CGREF1: variants seen among roughly 807,000 people sequenced by gnomAD.
CGREF1 encodes the protein cell growth regulator with EF hand domain protein 1.
Under a neutral mutation model 17.4 loss-of-function variants are expected in CGREF1, and 16 were observed. The observed-to-expected ratio is 0.92, with a 90% CI of 0.62 to 1.40. CGREF1 has a LOEUF of 1.40. CGREF1 is among the 40% of genes most tolerant of loss of function. CGREF1 has a pLI of 0.00. For missense variants in CGREF1, 296 were observed against 376.4 expected, an observed-to-expected ratio of 0.79 and a Z score of 1.77; for synonymous variants, 142 against 154.6, an observed-to-expected ratio of 0.92 and a Z score of 0.61.
At chr2:27,116,460 G>A (rs1671566527) in intron 1 of CGREF1, among the ~76,000 whole-genome samples, 2 of 151,730 alleles carry the variant, frequency 1.3e-5, no homozygotes, top group South Asian at 4.2e-4. Flanking sequence ...CCAGGAGGCA[G>A]AGGTTGCAAT....
downstream of CGREF1, chr2:27,100,029 G>T (rs577021295): frequency 1.5e-6 from 1 of 659,464 alleles, no homozygotes; most frequent in East Asian, 2.7e-5. Flanking sequence ...CTGACTCTTC[G>T]ATCCTCCCTC....
downstream of CGREF1, chr2:27,099,751 G>A (rs1670682585): frequency 6.2e-7 from 1 of 1,613,812 alleles, no homozygotes; most frequent in Non-Finnish European, 8.5e-7. Flanking sequence ...CATCGTGTGA[G>A]AGCAGGTGCC....
At chr2:27,111,877 G>T (rs1466759922) in intron 1 of CGREF1, among the ~76,000 whole-genome samples, 1 of 152,212 alleles carries the variant, frequency 6.6e-6, no homozygotes, top group African/African-American at 2.4e-5. Context: ...AGCTGAAGGA[G>T]CCGGCTCCGG....
chr2:27,102,376 A>AT lies in CGREF1; in HGVS notation c.200dup (p.His67GlnfsTer16). 1 of 1,614,112 alleles carries AT rather than the reference A, an allele frequency of 6.2e-7. No homozygotes were observed. Among genetic ancestry groups the AT allele is most frequent in the Non-Finnish European group, 8.5e-7 (1 of 1,179,998 alleles). Reference sequence around the variant, plus strand: ...GCCCCTCACCCTGCTCCCGGCTCAGATGCTCCAGTTGCACTTCTGTCCTTC... The same window carrying AT: ...GCCCCTCACCCTGCTCCCGGCTCAGATTGCTCCAGTTGCACTTCTGTCCTTC... On this transcript the variant is annotated frameshift_variant, in exon 4 of 6. Coordinates refer to ENST00000402394, the MANE Select transcript of CGREF1 (RefSeq NM_006569.6). LOFTEE classifies it high-confidence loss of function.
At chr2:27,116,538 GAAA>G (rs887159750) in intron 1 of CGREF1, among the ~76,000 whole-genome samples, 1 of 143,510 alleles carries the variant, frequency 7.0e-6, no homozygotes, top group Non-Finnish European at 1.5e-5. Context: ...AAAAGAGAGA[GAAA>G]AAAAAAAGTA....
intron 1 of CGREF1, 116 bp from the exon 2 acceptor site, chr2:27,104,493 G>A: frequency 6.4e-7 from 1 of 1,552,266 alleles, no homozygotes; most frequent in Non-Finnish European, 8.7e-7. Flanking sequence ...CAGCCCCAAA[G>A]ACAGGACTCC....
At chr2:27,118,448 G>GTCCC (rs1310499042) in intron 1 of CGREF1, among the ~76,000 whole-genome samples, 1 of 152,160 alleles carries the variant, frequency 6.6e-6, no homozygotes, top group African/African-American at 2.4e-5. Flanking sequence ...CCGGGAGCTG[G>GTCCC]TCCCTCGGCC....
chr2:27,106,126 A>G (rs531969454), intron 1 of CGREF1, among the ~76,000 whole-genome samples: 2 of 152,350 alleles, frequency 1.3e-5, no homozygotes, highest in East Asian at 3.9e-4. Context: ...AAAAGGATGG[A>G]CTAGAAAAAC....
At chr2:27,115,049 GC>G (rs1310359111) in intron 1 of CGREF1, among the ~76,000 whole-genome samples, 1 of 152,120 alleles carries the variant, frequency 6.6e-6, no homozygotes, top group Non-Finnish European at 1.5e-5. Context: ...ATCCTTTTAA[GC>G]CATTACATTT....
chr2:27,102,592 C>T lies in CGREF1; in HGVS notation c.81-1G>A. ...CTGATGCTGCACTTCAGAGTCTGGC[C>T]TGGAGGAGGAAGGGGAGGACCAGCC... On this transcript the variant is annotated splice_acceptor_variant, in intron 2 of 5. Coordinates refer to ENST00000402394, the MANE Select transcript of CGREF1 (RefSeq NM_006569.6). LOFTEE classifies it high-confidence loss of function. 1 of 1,611,256 alleles carries T rather than the reference C, an allele frequency of 6.2e-7. No homozygotes were observed. The highest frequency in any genetic ancestry group is 8.5e-7 in the Non-Finnish European group (1 of 1,179,608).
At chr2:27,108,495 T>C (rs957409378) in intron 1 of CGREF1, among the ~76,000 whole-genome samples, 2 of 152,142 alleles carry the variant, frequency 1.3e-5, no homozygotes, top group Non-Finnish European at 2.9e-5. Context: ...CTGACATTTT[T>C]CCAGTAGGTT....
downstream of CGREF1, chr2:27,100,103 A>G: frequency 1.7e-6 from 1 of 574,364 alleles, no homozygotes; most frequent in Non-Finnish European, 3.1e-6. Flanking sequence ...CCTGGGCTAG[A>G]GCAGCGAGAA....
In CGREF1 at chr2:27,102,571, T is replaced by C; in HGVS notation, c.101A>G (p.His34Arg). 1 of 1,613,256 alleles carries C rather than the reference T, an allele frequency of 6.2e-7. No individual in the cohort carries two copies. Among genetic ancestry groups the C allele is most frequent in the Non-Finnish European group, 8.5e-7 (1 of 1,179,852 alleles). ...GVTRPDSEVQ[H>R]QLLPNPFQPG... Reference sequence around the variant, plus strand: ...CTGGAAGGGGTTGGGCAGGAGCTGATGCTGCACTTCAGAGTCTGGCCTGGA... The same window carrying C: ...CTGGAAGGGGTTGGGCAGGAGCTGACGCTGCACTTCAGAGTCTGGCCTGGA... The change falls in exon 3 of 6, where the codon CAT becomes CGT. Residue 34 changes from histidine (H) to arginine (R), a missense_variant. Transcript: ENST00000402394.
At chr2:27,118,561 T>C (rs538901973) in intron 1 of CGREF1, among the ~76,000 whole-genome samples, 2 of 152,276 alleles carry the variant, frequency 1.3e-5, no homozygotes, top group African/African-American at 4.8e-5. Context: ...CCAGGACTGC[T>C]GGAACACGGA....
At chr2:27,103,179 G>A (rs934485848) in intron 2 of CGREF1, 67 of 916,026 alleles carry the variant, frequency 7.3e-5, no homozygotes, top group Non-Finnish European at 8.5e-5. Context: ...ATCCAGACCT[G>A]TGATGCCAGA....
rs1303297668 is a variant in CGREF1, at chr2:27,101,893, G to A, written c.343-5C>T. The A allele has an allele frequency of 6.2e-7, 1 of 1,608,460 alleles. No individual in the cohort carries two copies. Among genetic ancestry groups the A allele is most frequent in the Non-Finnish European group, 8.5e-7 (1 of 1,177,488 alleles). On this transcript the variant is annotated splice_polypyrimidine_tract_variant and splice_region_variant and intron_variant, in intron 5 of 5. Coordinates refer to ENST00000402394, the MANE Select transcript of CGREF1 (RefSeq NM_006569.6). ...TTTGTCCACTATCAAGATCACCTGT[G>A]GAAGCAGAGTCACTGTGGGGTCTCC...
chr2:27,113,386 GATAA>G (rs1671461080), intron 1 of CGREF1, among the ~76,000 whole-genome samples: 1 of 152,104 alleles, frequency 6.6e-6, no homozygotes, highest in Admixed American at 6.5e-5. Flanking sequence ...GTACAATAAG[GATAA>G]ATATTCATTT....
At chr2:27,102,923 T>C (rs1367376172) in intron 2 of CGREF1, 1 of 985,206 alleles carries the variant, frequency 1.0e-6, no homozygotes, top group Non-Finnish European at 1.2e-6. Context: ...CAGGACAACA[T>C]GGGTCACAGA....
intron 2 of CGREF1, among the ~76,000 whole-genome samples, chr2:27,103,895 A>G (rs1226297071): frequency 6.6e-6 from 1 of 152,068 alleles, no homozygotes; most frequent in Non-Finnish European, 1.5e-5. Context: ...AGGCAGAAGA[A>G]TTGCTTGAAC....
Sources: allele counts gnomAD v4.1 joint callset (sites outside exome capture counted in the v4.1 genomes callset), GRCh38; gene constraint gnomAD v4.1.1; transcripts MANE v1.5; gene names NCBI Gene and HGNC (gene_info 2026-07-23, HGNC 2026-07-21).